Variants in LINGO2 observed in about 807,000 individuals in gnomAD.
LINGO2 encodes the protein leucine rich repeat and Ig domain containing 2.
Under a neutral mutation model 30.6 loss-of-function variants are expected in LINGO2, and 14 were observed. The ratio of observed to expected loss-of-function variants is 0.46; its 90% CI spans 0.30 to 0.72. LINGO2 has a LOEUF of 0.72. Ranked by LOEUF, LINGO2 falls within the 30% of genes least tolerant of loss-of-function variation. The probability of loss-of-function intolerance (pLI) is 0.07; values close to 1 mark genes in which losing one functional copy is unlikely to be tolerated. For missense variants in LINGO2, 729 were observed against 751.7 expected (o/e 0.97, Z 0.35); for synonymous variants, 317 against 288.5 (o/e 1.10, Z -1.00).
At chr9:27,952,233 A>G (rs752387057) in intron 5 of LINGO2, among the ~76,000 whole-genome samples, 15 of 152,028 alleles carry the variant, frequency 9.9e-5, no homozygotes, top group Admixed American at 1.3e-4. Context: ...TGTAAAAATT[A>G]TCTCAGTCAT....
chr9:28,548,468 G>A (rs551728045), intron 1 of LINGO2, among the ~76,000 whole-genome samples: 8 of 152,110 alleles, frequency 5.3e-5, no homozygotes, highest in African/African-American at 1.4e-4. Context: ...TACTTTGGGA[G>A]GCCGAGACGG....
At chr9:28,986,982 A>G in the LINGO2 span, among the ~76,000 whole-genome samples, 1 of 150,810 alleles carries the variant, frequency 6.6e-6, no homozygotes, top group South Asian at 2.1e-4. Context: ...TCTTTTTTAG[A>G]TAGTTCACTG....
intron 4 of LINGO2, among the ~76,000 whole-genome samples, chr9:28,231,528 A>G (rs1012101133): frequency 2.0e-5 from 3 of 152,138 alleles, no homozygotes; most frequent in African/African-American, 7.2e-5. Context: ...TACAATTAAA[A>G]AGAAAACAAA....
chr9:28,607,494 T>C (rs766460407), intron 1 of LINGO2, among the ~76,000 whole-genome samples: 1 of 152,052 alleles, frequency 6.6e-6, no homozygotes, highest in Non-Finnish European at 1.5e-5. Flanking sequence ...TGCTTACTAA[T>C]GAAGAAATTT....
chr9:28,960,464 G>C, the LINGO2 span, among the ~76,000 whole-genome samples: 3,245 of 151,526 alleles, frequency 0.021, 52 homozygotes, highest in Middle Eastern at 0.045. Flanking sequence ...GGAGTCATAT[G>C]ATGGAGCCAG....
At chr9:29,085,366 A>T in the LINGO2 span, among the ~76,000 whole-genome samples, 2 of 151,770 alleles carry the variant, frequency 1.3e-5, 1 homozygote. Flanking sequence ...AGAAAGACAA[A>T]AATAATGATA....
At chr9:28,301,710 A>T (rs1356287317) in intron 3 of LINGO2, among the ~76,000 whole-genome samples, 1 of 152,180 alleles carries the variant, frequency 6.6e-6, no homozygotes, top group African/African-American at 2.4e-5. Flanking sequence ...TCTTCCATGA[A>T]TTGCATAAAG....
At chr9:28,230,376 T>C (rs754840102) in intron 4 of LINGO2, among the ~76,000 whole-genome samples, 14 of 151,878 alleles carry the variant, frequency 9.2e-5, no homozygotes, top group Non-Finnish European at 2.1e-4. Flanking sequence ...ATGACAAATG[T>C]CATCTTTATC....
chr9:28,800,356 A>G, the LINGO2 span, among the ~76,000 whole-genome samples: 2 of 151,990 alleles, frequency 1.3e-5, no homozygotes, highest in Admixed American at 6.6e-5. Flanking sequence ...GTTTCAATTT[A>G]TATTCCCGGT....
chr9:28,286,518 C>T (rs192867193), intron 4 of LINGO2, among the ~76,000 whole-genome samples: 2 of 152,268 alleles, frequency 1.3e-5, no homozygotes, highest in Admixed American at 1.3e-4. Context: ...ACATATGTTC[C>T]TTGCAGCACT....
rs955835421 is a variant in LINGO2, at chr9:27,957,963, C to A, written c.-35-7257G>T. ...TTGTATACCTTCATTTTTTGTCTTT[C>A]GCATTTGTTAGTACCTCTTGTACAA... is the stretch of plus-strand genomic sequence containing the variant. On this transcript the variant is annotated intron_variant, in intron 5 of 5. Transcript: ENST00000379992. 3.0e-4 allele frequency among the ~76,000 whole-genome samples: 45 copies of A among 152,126 alleles called. 1 individual carries two copies. Among genetic ancestry groups the A allele is most frequent in the South Asian group, 4.1e-4 (2 of 4,828 alleles).
chr9:28,376,473 C>T (rs994508803), intron 2 of LINGO2, among the ~76,000 whole-genome samples: 1 of 152,212 alleles, frequency 6.6e-6, no homozygotes, highest in Non-Finnish European at 1.5e-5. Context: ...GCATCACCCA[C>T]TTCGTGACAA....
intron 1 of LINGO2, among the ~76,000 whole-genome samples, chr9:28,501,985 G>A (rs1478566794): frequency 1.3e-5 from 2 of 151,684 alleles, no homozygotes; most frequent in East Asian, 1.9e-4. Context: ...GAGGAAGGGA[G>A]GAAGAAGAGA....
At chr9:28,316,314 A>G (rs1450991201) in intron 3 of LINGO2, among the ~76,000 whole-genome samples, 1 of 151,780 alleles carries the variant, frequency 6.6e-6, no homozygotes. Context: ...TACTCTTATC[A>G]AAATAAAAAA....
At chr9:28,704,092 T>A in the LINGO2 span, among the ~76,000 whole-genome samples, 185 of 152,164 alleles carry the variant, frequency 1.2e-3, no homozygotes, top group African/African-American at 4.2e-3. Flanking sequence ...TCTGAAGAAC[T>A]TTTTAAAATC....
intron 1 of LINGO2, among the ~76,000 whole-genome samples, chr9:28,617,274 T>C (rs1167443049): frequency 1.3e-5 from 2 of 152,056 alleles, no homozygotes; most frequent in Non-Finnish European, 2.9e-5. Flanking sequence ...GCTAGTTTAA[T>C]CTAAAGAATA....
chr9:28,967,636 C>T, the LINGO2 span, among the ~76,000 whole-genome samples: 1 of 152,126 alleles, frequency 6.6e-6, no homozygotes, highest in Non-Finnish European at 1.5e-5. Flanking sequence ...TTTATTCCCC[C>T]TGGCAACAAG....
At chr9:28,582,000 G>A (rs540169556) in intron 1 of LINGO2, among the ~76,000 whole-genome samples, 36 of 151,878 alleles carry the variant, frequency 2.4e-4, no homozygotes, top group African/African-American at 8.2e-4. Flanking sequence ...CTGTTACTAA[G>A]GCTTCCAGAC....
At chr9:28,588,170 A>G (rs1299921766) in intron 1 of LINGO2, among the ~76,000 whole-genome samples, 2 of 152,076 alleles carry the variant, frequency 1.3e-5, no homozygotes, top group African/African-American at 4.8e-5. Context: ...TCAGTAAGGC[A>G]GCCCATTCCC....
Sources: gnomAD v4.1 joint callset for allele counts (sites outside exome capture counted in the v4.1 genomes callset) on GRCh38, gnomAD v4.1.1 for gene constraint, MANE v1.5 for transcripts, NCBI Gene and HGNC (gene_info 2026-07-23, HGNC 2026-07-21) for gene names.